The following EPHB1 variants were observed in gnomAD, a reference collection of about 807,000 sequenced individuals.
EPHB1 encodes EPH receptor B1, also known as ephrin type-B receptor 1.
Under a neutral mutation model 94.4 loss-of-function variants are expected in EPHB1, and 30 were observed. That is an observed-to-expected ratio of 0.32 (90% CI 0.24 to 0.43). EPHB1 has a LOEUF of 0.43. Among genes scored for constraint, EPHB1 ranks in the 20% least tolerant of loss-of-function variants. The probability of loss-of-function intolerance (pLI) is 1.00; values close to 1 mark genes in which losing one functional copy is unlikely to be tolerated. For synonymous variants in EPHB1, 522 were observed against 489.1 expected (o/e 1.07, Z -0.89); for missense variants, 1,055 against 1,308.3 (o/e 0.81, Z 2.99).
At chr3:134,838,264 C>G (rs974811663) in intron 1 of EPHB1, among the ~76,000 whole-genome samples, 2 of 152,136 alleles carry the variant, frequency 1.3e-5, no homozygotes, top group Non-Finnish European at 2.9e-5. Context: ...CATGGGGGCC[C>G]TAAGAGATAA....
intron 15 of EPHB1, among the ~76,000 whole-genome samples, chr3:135,257,164 G>T (rs1306333460): frequency 6.6e-6 from 1 of 151,636 alleles, no homozygotes; most frequent in African/African-American, 2.4e-5. Context: ...TGGTTTGAAT[G>T]TCCTCCCGTA....
intron 3 of EPHB1, among the ~76,000 whole-genome samples, chr3:135,081,485 C>G (rs1284117926): frequency 6.6e-6 from 1 of 152,168 alleles, no homozygotes; most frequent in Admixed American, 6.5e-5. Context: ...GCCAGAAGAC[C>G]CTGGCAGGGA....
At chr3:135,096,268 G>A (rs550413691) in intron 3 of EPHB1, among the ~76,000 whole-genome samples, 24 of 152,318 alleles carry the variant, frequency 1.6e-4, no homozygotes, top group Admixed American at 1.3e-4. Flanking sequence ...CAAATGGGGG[G>A]CTGAGGGTCA....
At chr3:135,024,081 C>A (rs748393626) in intron 3 of EPHB1, among the ~76,000 whole-genome samples, 3 of 152,148 alleles carry the variant, frequency 2.0e-5, no homozygotes, top group Non-Finnish European at 4.4e-5. Flanking sequence ...CAGACACCAC[C>A]AACACTTGGT....
At chr3:134,821,252 A>G (rs143984076) in intron 1 of EPHB1, among the ~76,000 whole-genome samples, 1 of 152,348 alleles carries the variant, frequency 6.6e-6, no homozygotes, top group Non-Finnish European at 1.5e-5. Context: ...TGCTCAGTCC[A>G]TTCATTGAAA....
At chr3:135,110,495 G>A (rs1030014746) in intron 4 of EPHB1, among the ~76,000 whole-genome samples, 2 of 152,088 alleles carry the variant, frequency 1.3e-5, no homozygotes, top group Non-Finnish European at 2.9e-5. Context: ...GGCTCCTGAC[G>A]GTAAGACCTG....
intron 1 of EPHB1, among the ~76,000 whole-genome samples, chr3:134,883,969 G>A (rs894571810): frequency 2.0e-5 from 3 of 152,186 alleles, no homozygotes; most frequent in Non-Finnish European, 4.4e-5. Flanking sequence ...TTTAGGAGGT[G>A]AAGAAATGCA....
chr3:135,000,376 A>G (rs1250913239), intron 3 of EPHB1, among the ~76,000 whole-genome samples: 5 of 152,236 alleles, frequency 3.3e-5, no homozygotes, highest in Non-Finnish European at 5.9e-5. Flanking sequence ...ACTGACAGAA[A>G]GACCTTTAAG....
In EPHB1 at chr3:135,249,345, G is replaced by A. The variant is rs779296699; in HGVS notation, c.2700G>A (p.Gln900=). ...ATCTCTGTCTCACCAGGCCTTCCCA[G>A]CCCCTGCTCGACCGCTCCATCCCAG... is the stretch of plus-strand genomic sequence containing the variant. ...TVATITAVPS[Q]PLLDRSIPDF... is the part of the protein sequence containing the mutation. Residue 900 remains glutamine, a synonymous_variant, in exon 15 of 16, where the codon CAG becomes CAA. Transcript: ENST00000398015. 1.9e-6 allele frequency: 3 copies of A among 1,612,190 alleles called. No homozygotes were observed. The Admixed American group carries it at 5.0e-5, about 27-fold the overall frequency.
intron 3 of EPHB1, chr3:134,977,881 C>T (rs933177298): frequency 4.9e-5 from 21 of 430,244 alleles, no homozygotes; most frequent in Middle Eastern, 5.2e-4. Context: ...AGCCTCCTGC[C>T]GTCCCAGCCC....
chr3:135,257,572 C>G (rs563064037), intron 15 of EPHB1, among the ~76,000 whole-genome samples: 1 of 151,994 alleles, frequency 6.6e-6, no homozygotes, highest in South Asian at 2.1e-4. Context: ...GCAGTCTGCC[C>G]GTTCTCAGAT....
chr3:135,024,582 A>T (rs1249326753), intron 3 of EPHB1, among the ~76,000 whole-genome samples: 1 of 152,042 alleles, frequency 6.6e-6, no homozygotes, highest in East Asian at 1.9e-4. Context: ...TCCATCCTAC[A>T]CCGGGGGGTT....
At chr3:135,112,890 G>A (rs1939518490) in intron 4 of EPHB1, among the ~76,000 whole-genome samples, 1 of 152,064 alleles carries the variant, frequency 6.6e-6, no homozygotes, top group East Asian at 1.9e-4. Flanking sequence ...TTAATCTAGG[G>A]CTTGCAAAAT....
intron 1 of EPHB1, among the ~76,000 whole-genome samples, chr3:134,924,807 T>C (rs951659210): frequency 7.9e-5 from 12 of 152,322 alleles, no homozygotes; most frequent in Middle Eastern, 3.4e-3. Context: ...TTTTTAAAAA[T>C]GGCATATACT....
intron 1 of EPHB1, among the ~76,000 whole-genome samples, chr3:134,831,075 T>G (rs2036574038): frequency 2.0e-5 from 3 of 152,230 alleles, no homozygotes; most frequent in Admixed American, 1.3e-4. Context: ...ACCAGAGTGC[T>G]TCCCCTAAAC....
intron 3 of EPHB1, among the ~76,000 whole-genome samples, chr3:135,057,735 G>T (rs1937387277): frequency 6.6e-6 from 1 of 152,106 alleles, no homozygotes; most frequent in South Asian, 2.1e-4. Flanking sequence ...TACATACAAG[G>T]TACATATACT....
At chr3:134,936,580 T>C (rs963903535) in intron 2 of EPHB1, among the ~76,000 whole-genome samples, 3 of 151,026 alleles carry the variant, frequency 2.0e-5, no homozygotes, top group African/African-American at 4.9e-5. Context: ...CGCCCCCCCC[T>C]CCATTTGAGA....
chr3:135,140,798 C>G (rs191261175), intron 5 of EPHB1, among the ~76,000 whole-genome samples: 3 of 152,310 alleles, frequency 2.0e-5, no homozygotes, highest in Admixed American at 2.0e-4. Flanking sequence ...CCCCTGCATG[C>G]CAGCCCCGCG....
chr3:134,910,871 C>G (rs1578189969), intron 1 of EPHB1, among the ~76,000 whole-genome samples: 1 of 152,232 alleles, frequency 6.6e-6, no homozygotes, highest in African/African-American at 2.4e-5. Flanking sequence ...CCCTTGACCT[C>G]CTGTGCAGTT....
Sources: gnomAD v4.1 joint callset for allele counts (sites outside exome capture counted in the v4.1 genomes callset) on GRCh38, gnomAD v4.1.1 for gene constraint, MANE v1.5 for transcripts, NCBI Gene and HGNC (gene_info 2026-07-23, HGNC 2026-07-21) for gene names.